GNAI1: variants seen among roughly 807,000 people sequenced by gnomAD.
GNAI1 encodes the protein guanine nucleotide-binding protein G(i) subunit alpha-1.
Under a neutral mutation model 38.9 loss-of-function variants are expected in GNAI1, and 11 were observed. That is an observed-to-expected ratio of 0.28 (90% CI 0.18 to 0.47). The LOEUF is 0.47. Ranked by LOEUF, GNAI1 falls within the 20% of genes least tolerant of loss-of-function variation. The probability of loss-of-function intolerance (pLI) is 0.99; values close to 1 mark genes in which losing one functional copy is unlikely to be tolerated. For missense variants in GNAI1, 317 were observed against 436.9 expected, an observed-to-expected ratio of 0.73 and a Z score of 2.45; for synonymous variants, 166 against 145.1, an observed-to-expected ratio of 1.14 and a Z score of -1.04.
intron 1 of GNAI1, among the ~76,000 whole-genome samples, chr7:80,149,918 A>G (rs1416278624): frequency 6.6e-6 from 1 of 152,210 alleles, no homozygotes; most frequent in Non-Finnish European, 1.5e-5. Context: ...ACAATAGACA[A>G]GATTGATTAA....
intron 6 of GNAI1, among the ~76,000 whole-genome samples, chr7:80,212,157 C>A (rs1219227753): frequency 6.6e-6 from 1 of 152,204 alleles, no homozygotes; most frequent in South Asian, 2.1e-4. Context: ...AGGTGCAGTG[C>A]AACACCACAT....
chr7:80,165,816 G>T (rs1788002481), intron 1 of GNAI1, among the ~76,000 whole-genome samples: 1 of 152,024 alleles, frequency 6.6e-6, no homozygotes, highest in Admixed American at 6.5e-5. Context: ...ATAAATCATA[G>T]ATAAAAAATC....
chr7:80,139,186 AT>A (rs1454090866), intron 1 of GNAI1, among the ~76,000 whole-genome samples: 1 of 151,918 alleles, frequency 6.6e-6, no homozygotes, highest in Non-Finnish European at 1.5e-5. Context: ...GGAATTGCTG[AT>A]TTTTTTCTGT....
chr7:80,186,147 C>T (rs1463122815), intron 1 of GNAI1, among the ~76,000 whole-genome samples: 7 of 151,718 alleles, frequency 4.6e-5, no homozygotes, highest in African/African-American at 1.7e-4. Context: ...GCTCTTCTGC[C>T]TCAGCCTCCC....
At chr7:80,197,682 T>C (rs118063967) in intron 3 of GNAI1, among the ~76,000 whole-genome samples, 76 of 152,180 alleles carry the variant, frequency 5.0e-4, no homozygotes, top group Non-Finnish European at 9.6e-4. Flanking sequence ...TTATTAAGGA[T>C]ATCATGCACG....
chr7:80,181,027 G>T (rs1190245422), intron 1 of GNAI1, among the ~76,000 whole-genome samples: 6 of 151,856 alleles, frequency 4.0e-5, no homozygotes, highest in Admixed American at 3.3e-4. Context: ...TCATATAAAA[G>T]GGAAGGGAAA....
chr7:80,188,154 T>G (rs1395498167), intron 1 of GNAI1, among the ~76,000 whole-genome samples: 1 of 152,224 alleles, frequency 6.6e-6, no homozygotes, highest in Non-Finnish European at 1.5e-5. Flanking sequence ...TATTAGGTTT[T>G]TAATAATGGT....
At chr7:80,200,324 CAAA>C (rs59511755) in intron 4 of GNAI1, among the ~76,000 whole-genome samples, 18 of 40,370 alleles carry the variant, frequency 4.5e-4, no homozygotes, top group East Asian at 1.7e-3. Flanking sequence ...GGCCATGTCT[CAAA>C]AAAAAAAAAA....
At chr7:80,143,727 CAAAG>C (rs1326399359) in intron 1 of GNAI1, among the ~76,000 whole-genome samples, 3 of 152,018 alleles carry the variant, frequency 2.0e-5, no homozygotes, top group Non-Finnish European at 2.9e-5. Flanking sequence ...GGGCTAGTGA[CAAAG>C]TAAGCTAATG....
At chr7:80,204,482 C>A (rs1271570643) in intron 5 of GNAI1, among the ~76,000 whole-genome samples, 1 of 152,090 alleles carries the variant, frequency 6.6e-6, no homozygotes. Flanking sequence ...AGTAAAATAT[C>A]ATATTCAAAT....
intron 1 of GNAI1, among the ~76,000 whole-genome samples, chr7:80,165,760 C>G (rs1455492158): frequency 6.6e-6 from 1 of 151,992 alleles, no homozygotes; most frequent in African/African-American, 2.4e-5. Flanking sequence ...TACCAAAGAA[C>G]AAATGCTATT....
chr7:80,173,385 T>G (rs1332647775), intron 1 of GNAI1, among the ~76,000 whole-genome samples: 1 of 152,200 alleles, frequency 6.6e-6, no homozygotes, highest in African/African-American at 2.4e-5. Context: ...AAAAAGTTAT[T>G]TTAATTTATC....
chr7:80,218,117 A>G lies in GNAI1; in HGVS notation c.*624A>G, dbSNP rs1789004975. The G allele has an allele frequency of 6.6e-6, 1 of 152,464 alleles. No individual in the cohort carries two copies. Among genetic ancestry groups the G allele is most frequent in the African/African-American group, 2.4e-5 (1 of 41,460 alleles). 9.4% of individuals were successfully genotyped at this position (152,464 alleles called of 1,614,324 possible). On this transcript the variant is annotated 3_prime_UTR_variant, in exon 8 of 8. Coordinates refer to ENST00000649796, the MANE Select transcript of GNAI1 (RefSeq NM_002069.6). ...TTATTGAAATGTTCTTAAGATGAAT[A>G]CACCTGCCTTTGGATCAACTATTTA...
Position 80,224,122 on chromosome 7 carries a change from C to T in GNAI1, c.*6629C>T, listed in dbSNP as rs940261984. Among the ~76,000 whole-genome samples, 4 of 152,150 alleles carry T rather than the reference C, an allele frequency of 2.6e-5. No individual in the cohort carries two copies. Among genetic ancestry groups the T allele is most frequent in the Admixed American group, 6.5e-5 (1 of 15,284 alleles). ...ATATAGTAAGATTTACTCAAAACCA[C>T]GAACTCCTCCATTATTTAAAATATG... On this transcript the variant is annotated 3_prime_UTR_variant, in exon 8 of 8. Coordinates refer to ENST00000649796, the MANE Select transcript of GNAI1 (RefSeq NM_002069.6).
At chr7:80,199,134 C>A in intron 3 of GNAI1, 91 bp from the exon 4 acceptor site, 1 of 786,688 alleles carries the variant, frequency 1.3e-6, no homozygotes, top group Non-Finnish European at 1.9e-6. Context: ...TCGCTATTGC[C>A]TTTTTTTTTT....
intron 6 of GNAI1, 137 bp downstream of exon 6, chr7:80,211,235 T>G: frequency 1.4e-6 from 1 of 690,004 alleles, no homozygotes; most frequent in Non-Finnish European, 2.4e-6. Context: ...AAAAGAGAGA[T>G]ATACTAGAGA....
intron 1 of GNAI1, among the ~76,000 whole-genome samples, chr7:80,141,671 T>C (rs1333061190): frequency 1.3e-5 from 2 of 152,212 alleles, no homozygotes; most frequent in Non-Finnish European, 2.9e-5. Context: ...TCTGGAATTA[T>C]GGTGGTCTGA....
At chr7:80,183,835 T>C (rs1334807576) in intron 1 of GNAI1, among the ~76,000 whole-genome samples, 2 of 152,132 alleles carry the variant, frequency 1.3e-5, no homozygotes, top group Non-Finnish European at 2.9e-5. Context: ...TTACCTTATA[T>C]CTTGATTTGT....
intron 1 of GNAI1, among the ~76,000 whole-genome samples, chr7:80,188,059 C>A (rs967771950): frequency 1.3e-5 from 2 of 152,072 alleles, no homozygotes; most frequent in African/African-American, 4.8e-5. Flanking sequence ...GCTTGCATAA[C>A]AATGAAGATG....
Sources: gnomAD v4.1 joint callset for allele counts (sites outside exome capture counted in the v4.1 genomes callset) on GRCh38, gnomAD v4.1.1 for gene constraint, MANE v1.5 for transcripts, NCBI Gene and HGNC (gene_info 2026-07-23, HGNC 2026-07-21) for gene names.